Variants in PARD3 observed in about 807,000 individuals in gnomAD.
PARD3 encodes the protein par-3 family cell polarity regulator, also known as partitioning defective 3 homolog.
Under a neutral mutation model 155.4 loss-of-function variants are expected in PARD3, and 75 were observed. The ratio of observed to expected loss-of-function variants is 0.48; its 90% CI spans 0.40 to 0.58. The LOEUF is 0.58. PARD3 is among the 20% of genes least tolerant of loss of function. The pLI is 0.00. For missense variants in PARD3, 1,642 were observed against 1,721.7 expected, an observed-to-expected ratio of 0.95 and a Z score of 0.82; for synonymous variants, 576 against 610.5, an observed-to-expected ratio of 0.94 and a Z score of 0.83.
At chr10:34,305,903 C>T (rs1178182236) in intron 20 of PARD3, among the ~76,000 whole-genome samples, 1 of 152,058 alleles carries the variant, frequency 6.6e-6, no homozygotes, top group Non-Finnish European at 1.5e-5. Flanking sequence ...GGAGAATCAC[C>T]CAGGAGTTCA....
intron 1 of PARD3, among the ~76,000 whole-genome samples, chr10:34,697,364 T>C (rs937241968): frequency 3.3e-5 from 5 of 152,220 alleles, no homozygotes; most frequent in Non-Finnish European, 5.9e-5. Flanking sequence ...AGATGATGTT[T>C]GATACAGTTC....
chr10:34,466,244 T>C lies in PARD3; in HGVS notation c.582+3841A>G, dbSNP rs139950841. 1.4e-3 allele frequency among the ~76,000 whole-genome samples: 206 copies of C among 152,256 alleles called. 1 individual carries two copies. The highest frequency in any genetic ancestry group is 2.4e-3 in the Non-Finnish European group (162 of 68,014). ...ATATTTTAAGAAATTCAGAAGCCTA[T>C]GGGACCCTCGGCCTCTTCAGGCCCT... On this transcript the variant is annotated intron_variant, in intron 4 of 24. Transcript: ENST00000374788.
intron 2 of PARD3, among the ~76,000 whole-genome samples, chr10:34,684,828 CACATAT>C (rs2093921639): frequency 1.1e-5 from 1 of 91,176 alleles, no homozygotes; most frequent in African/African-American, 5.4e-5. Flanking sequence ...CACACACACA[CACATAT>C]ATACACACAC....
At chr10:34,666,548 G>A (rs1251815275) in intron 2 of PARD3, among the ~76,000 whole-genome samples, 3 of 151,738 alleles carry the variant, frequency 2.0e-5, no homozygotes, top group Non-Finnish European at 4.4e-5. Context: ...ACGTCCAGGA[G>A]TCCACAAAAG....
At chr10:34,116,002 C>G (rs913501227) in intron 24 of PARD3, among the ~76,000 whole-genome samples, 1 of 152,076 alleles carries the variant, frequency 6.6e-6, no homozygotes, top group African/African-American at 2.4e-5. Context: ...TAAGCCACCA[C>G]GCCCAGCCTA....
At chr10:34,263,500 TA>T (rs1239928071) in intron 22 of PARD3, among the ~76,000 whole-genome samples, 6 of 148,374 alleles carry the variant, frequency 4.0e-5, no homozygotes, top group African/African-American at 7.4e-5. Context: ...GTACAAAAAA[TA>T]AAAAAAAAAT....
intron 2 of PARD3, among the ~76,000 whole-genome samples, chr10:34,599,683 G>T (rs911580029): frequency 2.0e-5 from 3 of 152,098 alleles, no homozygotes; most frequent in Non-Finnish European, 2.9e-5. Flanking sequence ...TAATTCGAAT[G>T]ACCTTATGTG....
At chr10:34,634,327 C>A (rs191650378) in intron 2 of PARD3, among the ~76,000 whole-genome samples, 1 of 152,222 alleles carries the variant, frequency 6.6e-6, no homozygotes, top group African/African-American at 2.4e-5. Flanking sequence ...TAGCGGGAAA[C>A]CATTTGTGCG....
At chr10:34,478,527 G>A (rs1396505955) in intron 3 of PARD3, among the ~76,000 whole-genome samples, 1 of 152,268 alleles carries the variant, frequency 6.6e-6, no homozygotes, top group South Asian at 2.1e-4. Context: ...GGAAAATAAA[G>A]TCAAGGGGAA....
intron 2 of PARD3, among the ~76,000 whole-genome samples, chr10:34,651,192 G>C (rs1208607186): frequency 6.6e-6 from 1 of 152,100 alleles, no homozygotes; most frequent in African/African-American, 2.4e-5. Flanking sequence ...GCATCACTTT[G>C]ACAAAAATTA....
At chr10:34,666,890 G>A (rs2093499021) in intron 2 of PARD3, among the ~76,000 whole-genome samples, 1 of 149,410 alleles carries the variant, frequency 6.7e-6, no homozygotes, top group African/African-American at 2.5e-5. Flanking sequence ...AAACTTGGCT[G>A]GGCACAGTGA....
At chr10:34,380,307 T>C (rs190996409) in intron 9 of PARD3, among the ~76,000 whole-genome samples, 83 of 152,232 alleles carry the variant, frequency 5.5e-4, no homozygotes, top group African/African-American at 1.9e-3. Flanking sequence ...AAGATAGATC[T>C]ATGGGACTCT....
At chr10:34,769,822 A>C (rs1330939307) in intron 1 of PARD3, among the ~76,000 whole-genome samples, 1 of 151,224 alleles carries the variant, frequency 6.6e-6, no homozygotes, top group Non-Finnish European at 1.5e-5. Context: ...AAAACAAGAA[A>C]ACCATACCTA....
chr10:34,634,311 T>A (rs560751964), intron 2 of PARD3, among the ~76,000 whole-genome samples: 1 of 152,270 alleles, frequency 6.6e-6, no homozygotes, highest in African/African-American at 2.4e-5. Context: ...GGCAGAACAG[T>A]ACGTATAGCG....
intron 5 of PARD3, among the ~76,000 whole-genome samples, chr10:34,402,447 A>T (rs1202987384): frequency 6.6e-6 from 1 of 152,232 alleles, no homozygotes; most frequent in Non-Finnish European, 1.5e-5. Flanking sequence ...AGGCAGTGGT[A>T]TAGTTCCAGA....
intron 18 of PARD3, among the ~76,000 whole-genome samples, chr10:34,335,467 G>A (rs1393919201): frequency 2.0e-5 from 3 of 151,952 alleles, no homozygotes; most frequent in Non-Finnish European, 2.9e-5. Context: ...TACAAAGCAC[G>A]TTAACTACAC....
intron 2 of PARD3, among the ~76,000 whole-genome samples, chr10:34,535,969 T>G (rs1051227368): frequency 2.0e-5 from 3 of 152,186 alleles, no homozygotes; most frequent in Admixed American, 6.5e-5. Flanking sequence ...GTAATAAATC[T>G]AGTCAGTACT....
At chr10:34,758,221 T>A (rs1325500217) in intron 1 of PARD3, among the ~76,000 whole-genome samples, 1 of 152,210 alleles carries the variant, frequency 6.6e-6, no homozygotes, top group Non-Finnish European at 1.5e-5. Flanking sequence ...AGAAAAAGTT[T>A]TAAAATCACA....
intron 19 of PARD3, among the ~76,000 whole-genome samples, chr10:34,321,444 C>A (rs10827347): frequency 3.3e-5 from 5 of 151,888 alleles, no homozygotes. Flanking sequence ...TTTGCAGATA[C>A]CCTACACAAA....
Sources: gnomAD v4.1 joint callset for allele counts (sites outside exome capture counted in the v4.1 genomes callset) on GRCh38, gnomAD v4.1.1 for gene constraint, MANE v1.5 for transcripts, NCBI Gene and HGNC (gene_info 2026-07-23, HGNC 2026-07-21) for gene names.